Variants in TNR observed in about 807,000 individuals in gnomAD.
TNR encodes tenascin-R.
A neutral mutation model predicts 150.4 loss-of-function variants in TNR; 45 were observed. The ratio of observed to expected loss-of-function variants is 0.30; its 90% CI spans 0.24 to 0.38. The LOEUF (loss-of-function observed/expected upper bound fraction) is 0.38, where lower values mean the gene tolerates loss of function less well. Among genes scored for constraint, TNR ranks in the 10% least tolerant of loss-of-function variants. TNR has a pLI of 1.00. For synonymous variants in TNR, 687 were observed against 678.4 expected, an observed-to-expected ratio of 1.01 and a Z score of -0.20; for missense variants, 1,544 against 1,759.1, an observed-to-expected ratio of 0.88 and a Z score of 2.19.
chr1:175,446,149 C>T (rs78335793), intron 2 of TNR, among the ~76,000 whole-genome samples: 11,724 of 152,150 alleles, frequency 0.077, 601 homozygotes, highest in Non-Finnish European at 0.11. Flanking sequence ...TAATTCAGGG[C>T]ATTTTGCAAG....
At chr1:175,399,047 C>T (rs192203523) in intron 4 of TNR, among the ~76,000 whole-genome samples, 56 of 152,286 alleles carry the variant, frequency 3.7e-4, no homozygotes, top group Middle Eastern at 3.4e-3. Flanking sequence ...TTACAGATTG[C>T]GCGAGATGCC....
chr1:175,715,041 T>G (rs768335160), intron 1 of TNR, among the ~76,000 whole-genome samples: 5 of 152,198 alleles, frequency 3.3e-5, no homozygotes, highest in Non-Finnish European at 5.9e-5. Context: ...CTTCTCAAAG[T>G]GTGGTCCCAG....
intron 2 of TNR, among the ~76,000 whole-genome samples, chr1:175,417,210 T>C (rs920633341): frequency 6.6e-6 from 1 of 152,018 alleles, no homozygotes; most frequent in African/African-American, 2.4e-5. Context: ...AATTTAAAAT[T>C]AGTGTTTTAA....
chr1:175,604,905 T>C (rs1256847464), intron 1 of TNR, among the ~76,000 whole-genome samples: 14 of 152,128 alleles, frequency 9.2e-5, no homozygotes, highest in Non-Finnish European at 1.8e-4. Context: ...AAACACAAGA[T>C]GTAGCTCTTG....
chr1:175,732,066 A>G (rs1171920019), intron 1 of TNR, among the ~76,000 whole-genome samples: 1 of 151,968 alleles, frequency 6.6e-6, no homozygotes, highest in African/African-American at 2.4e-5. Context: ...CCATATCCCC[A>G]CCAGCACTCC....
chr1:175,655,412 C>A (rs1394886590), intron 1 of TNR, among the ~76,000 whole-genome samples: 1 of 152,194 alleles, frequency 6.6e-6, no homozygotes, highest in Non-Finnish European at 1.5e-5. Context: ...GCATTATCCT[C>A]AGTCTGCAGA....
At chr1:175,673,032 C>T (rs996099743) in intron 1 of TNR, among the ~76,000 whole-genome samples, 1 of 152,188 alleles carries the variant, frequency 6.6e-6, no homozygotes, top group Non-Finnish European at 1.5e-5. Context: ...TGAAGCCACA[C>T]AGGGCCCTTA....
intron 18 of TNR, among the ~76,000 whole-genome samples, chr1:175,350,381 A>C (rs563748803): frequency 6.6e-6 from 1 of 152,340 alleles, no homozygotes; most frequent in East Asian, 1.9e-4. Flanking sequence ...ATAGTATTAA[A>C]AGAGACAATG....
intron 1 of TNR, among the ~76,000 whole-genome samples, chr1:175,718,288 C>T (rs1667208541): frequency 6.6e-6 from 1 of 152,174 alleles, no homozygotes; most frequent in South Asian, 2.1e-4. Context: ...CTCTGACCTG[C>T]ATTCCCCAGC....
chr1:175,323,509 T>G, intron 22 of TNR, 33 bp from the exon 23 acceptor site: 1 of 1,606,014 alleles, frequency 6.2e-7, no homozygotes, highest in South Asian at 1.1e-5. Flanking sequence ...TGTCAGGTCA[T>G]CCCCCACCAT....
intron 2 of TNR, among the ~76,000 whole-genome samples, chr1:175,504,671 C>A (rs1438016768): frequency 6.6e-6 from 1 of 152,148 alleles, no homozygotes; most frequent in Non-Finnish European, 1.5e-5. Context: ...CAGCATGGAG[C>A]CCCCGGCCTT....
At chr1:175,440,551 AG>A (rs1655736052) in intron 2 of TNR, among the ~76,000 whole-genome samples, 2 of 151,920 alleles carry the variant, frequency 1.3e-5, no homozygotes, top group Admixed American at 1.3e-4. Flanking sequence ...AATAAAATAA[AG>A]GAAAAAAAAG....
intron 1 of TNR, among the ~76,000 whole-genome samples, chr1:175,531,068 A>G (rs746814489): frequency 6.6e-6 from 1 of 152,186 alleles, no homozygotes; most frequent in African/African-American, 2.4e-5. Context: ...GATTTAGAGG[A>G]ATAGAATTAG....
intron 1 of TNR, among the ~76,000 whole-genome samples, chr1:175,616,490 G>C (rs915103203): frequency 1.3e-5 from 2 of 152,182 alleles, no homozygotes; most frequent in Admixed American, 6.5e-5. Context: ...AAATTTGAAG[G>C]CTTGGGGGTC....
chr1:175,622,315 A>G (rs1664002729), intron 1 of TNR, among the ~76,000 whole-genome samples: 1 of 152,194 alleles, frequency 6.6e-6, no homozygotes, highest in African/African-American at 2.4e-5. Context: ...GGTACATGGC[A>G]GAGCTGGGGC....
At chr1:175,568,291 A>G (rs1223642068) in intron 1 of TNR, among the ~76,000 whole-genome samples, 1 of 151,174 alleles carries the variant, frequency 6.6e-6, no homozygotes, top group Non-Finnish European at 1.5e-5. Flanking sequence ...CTTTAAACAT[A>G]CAAGCCTAAC....
chr1:175,572,706 T>C (rs189436486), intron 1 of TNR, among the ~76,000 whole-genome samples: 1,755 of 148,030 alleles, frequency 0.012, 16 homozygotes, highest in Non-Finnish European at 0.019. Context: ...ATAAATTACA[T>C]ATAGAGAGAA....
intron 2 of TNR, among the ~76,000 whole-genome samples, chr1:175,489,700 G>A (rs1420812667): frequency 6.6e-6 from 1 of 152,156 alleles, no homozygotes; most frequent in Non-Finnish European, 1.5e-5. Flanking sequence ...CAGGCTTGGT[G>A]TTTAATAACA....
intron 2 of TNR, among the ~76,000 whole-genome samples, chr1:175,502,908 A>T (rs1420864205): frequency 6.6e-6 from 1 of 151,702 alleles, no homozygotes; most frequent in African/African-American, 2.4e-5. Context: ...GACCCCCTAG[A>T]CGAACCAAGG....
Sources: gnomAD v4.1 joint callset for allele counts (sites outside exome capture counted in the v4.1 genomes callset) on GRCh38, gnomAD v4.1.1 for gene constraint, MANE v1.5 for transcripts, NCBI Gene and HGNC (gene_info 2026-07-23, HGNC 2026-07-21) for gene names.